The following SYNPR variants were observed in gnomAD, a reference collection of about 807,000 sequenced individuals.
The protein encoded by SYNPR is synaptoporin.
Under a neutral mutation model 32.9 loss-of-function variants are expected in SYNPR, and 23 were observed. That is an observed-to-expected ratio of 0.70 (90% confidence interval 0.50 to 0.99). The LOEUF (loss-of-function observed/expected upper bound fraction) is 0.99, where lower values mean the gene tolerates loss of function less well. SYNPR is among the 50% of genes least tolerant of loss of function. SYNPR has a pLI of 0.00. For synonymous variants in SYNPR, 146 were observed against 135.9 expected (o/e 1.07, Z -0.52); for missense variants, 318 against 349.3 (o/e 0.91, Z 0.71).
At chr3:63,384,803 C>G (rs192248080) in intron 2 of SYNPR, among the ~76,000 whole-genome samples, 22 of 152,276 alleles carry the variant, frequency 1.4e-4, no homozygotes, top group African/African-American at 5.1e-4. Context: ...ATTTCCTCCT[C>G]TTTTAAAAGA....
intron 4 of SYNPR, among the ~76,000 whole-genome samples, chr3:63,585,525 T>C (rs575933083): frequency 6.6e-6 from 1 of 151,750 alleles, no homozygotes; most frequent in South Asian, 2.1e-4. Context: ...GGTTGCACTG[T>C]ATAACACTAC....
At chr3:63,336,230 A>C (rs2087291853) in intron 2 of SYNPR, among the ~76,000 whole-genome samples, 1 of 152,040 alleles carries the variant, frequency 6.6e-6, no homozygotes, top group South Asian at 2.1e-4. Context: ...TTTCTAGAGG[A>C]TACAACTATG....
At chr3:63,305,184 G>A (rs1407782914) in intron 2 of SYNPR, among the ~76,000 whole-genome samples, 2 of 152,000 alleles carry the variant, frequency 1.3e-5, no homozygotes, top group Non-Finnish European at 2.9e-5. Context: ...ATGAGCCTAT[G>A]TACAATCTCA....
chr3:63,207,269 A>T, the SYNPR span, among the ~76,000 whole-genome samples: 4 of 152,224 alleles, frequency 2.6e-5, no homozygotes, highest in Admixed American at 1.3e-4. Flanking sequence ...AGCTTGACAC[A>T]TACTCAGATG....
chr3:63,425,783 T>C (rs1326683470), intron 2 of SYNPR, among the ~76,000 whole-genome samples: 1 of 150,868 alleles, frequency 6.6e-6, no homozygotes, highest in African/African-American at 2.4e-5. Flanking sequence ...AAATAGACTT[T>C]TTTTTTTTTT....
intron 2 of SYNPR, among the ~76,000 whole-genome samples, chr3:63,420,721 G>A (rs1403968090): frequency 6.6e-6 from 1 of 151,806 alleles, no homozygotes; most frequent in Non-Finnish European, 1.5e-5. Flanking sequence ...TTTATATGAC[G>A]AAGGATATCA....
intron 2 of SYNPR, among the ~76,000 whole-genome samples, chr3:63,267,101 A>G (rs2086496899): frequency 6.6e-6 from 1 of 152,210 alleles, no homozygotes; most frequent in Non-Finnish European, 1.5e-5. Flanking sequence ...GAGAACCTAT[A>G]GGCATAAAAA....
chr3:63,202,180 T>C, the SYNPR span, among the ~76,000 whole-genome samples: 1 of 152,182 alleles, frequency 6.6e-6, no homozygotes, highest in African/African-American at 2.4e-5. Context: ...CTTAGTTTTA[T>C]TTATGAGCAA....
intron 2 of SYNPR, among the ~76,000 whole-genome samples, chr3:63,428,764 A>C (rs56227221): frequency 0.14 from 21,062 of 152,232 alleles, 1,561 homozygotes; most frequent in Middle Eastern, 0.17. Context: ...AGGCTAGCCT[A>C]GGCTTATTCC....
chr3:63,391,101 T>C (rs2088128014), intron 2 of SYNPR, among the ~76,000 whole-genome samples: 1 of 152,232 alleles, frequency 6.6e-6, no homozygotes, highest in South Asian at 2.1e-4. Context: ...GGCCTGTTTA[T>C]ACAGGAAGAC....
chr3:63,432,444 T>C (rs888524868), intron 2 of SYNPR, among the ~76,000 whole-genome samples: 4 of 152,192 alleles, frequency 2.6e-5, no homozygotes, highest in African/African-American at 9.7e-5. Flanking sequence ...TAAGAAGTGG[T>C]TCTGGGAGTA....
intron 1 of SYNPR, among the ~76,000 whole-genome samples, chr3:63,244,791 A>G (rs879586847): frequency 6.6e-6 from 1 of 152,094 alleles, no homozygotes; most frequent in Admixed American, 6.6e-5. Context: ...GTGGAATGTA[A>G]AAATAGCTTT....
At chr3:63,433,569 A>G (rs1700028373) in intron 2 of SYNPR, among the ~76,000 whole-genome samples, 1 of 152,168 alleles carries the variant, frequency 6.6e-6, no homozygotes, top group Non-Finnish European at 1.5e-5. Context: ...GAACACAGAA[A>G]CTAAGAATAA....
chr3:63,341,787 A>G (rs2087373294), intron 2 of SYNPR, among the ~76,000 whole-genome samples: 1 of 152,148 alleles, frequency 6.6e-6, no homozygotes, highest in Non-Finnish European at 1.5e-5. Context: ...CTCCCACTTC[A>G]TGGCTTGTAT....
intron 5 of SYNPR, among the ~76,000 whole-genome samples, chr3:63,612,496 A>T (rs1232396391): frequency 6.6e-6 from 1 of 152,044 alleles, no homozygotes; most frequent in Non-Finnish European, 1.5e-5. Context: ...TTGTCTCCCC[A>T]TTGTTTGCAT....
At chr3:63,332,445 ATATCTGCCC>A (rs1374878363) in intron 2 of SYNPR, among the ~76,000 whole-genome samples, 3 of 152,184 alleles carry the variant, frequency 2.0e-5, no homozygotes, top group Non-Finnish European at 4.4e-5. Flanking sequence ...GGGCCAAAAT[ATATCTGCCC>A]TATCTGCCCT....
chr3:63,519,880 A>G (rs372540090), intron 3 of SYNPR, among the ~76,000 whole-genome samples: 1 of 152,230 alleles, frequency 6.6e-6, no homozygotes, highest in Non-Finnish European at 1.5e-5. Context: ...CCAAAAAAGA[A>G]AGTATAAATT....
chr3:63,412,165 C>T (rs1575631193), intron 2 of SYNPR, among the ~76,000 whole-genome samples: 1 of 152,134 alleles, frequency 6.6e-6, no homozygotes, highest in East Asian at 1.9e-4. Flanking sequence ...ATACAAGGAC[C>T]ACTGGAAGAG....
intron 2 of SYNPR, among the ~76,000 whole-genome samples, chr3:63,254,064 AG>A (rs2086361429): frequency 6.6e-6 from 1 of 152,168 alleles, no homozygotes; most frequent in African/African-American, 2.4e-5. Context: ...AACTATCGCA[AG>A]GACAAAAAAA....
Sources: allele counts gnomAD v4.1 joint callset (sites outside exome capture counted in the v4.1 genomes callset), GRCh38; gene constraint gnomAD v4.1.1; transcripts MANE v1.5; gene names NCBI Gene and HGNC (gene_info 2026-07-23, HGNC 2026-07-21).